The following NPAS2 variants were observed in gnomAD, a reference collection of about 807,000 sequenced individuals.
The protein encoded by NPAS2 is neuronal PAS domain protein 2, also known as neuronal PAS domain-containing protein 2.
In NPAS2, 23 loss-of-function variants were observed where a neutral mutation model predicts 107.5. The observed-to-expected ratio is 0.21, with a 90% CI of 0.15 to 0.30. The LOEUF (loss-of-function observed/expected upper bound fraction) is 0.30. Among genes scored for constraint, NPAS2 ranks in the 10% least tolerant of loss-of-function variants. The pLI, the probability that NPAS2 is intolerant of heterozygous loss-of-function variation, is 1.00. For missense variants in NPAS2, 756 were observed against 1,043.3 expected (o/e 0.72, Z 3.79); for synonymous variants, 403 against 417.5 (o/e 0.97, Z 0.42).
rs1321833264 is a variant in NPAS2, at chr2:100,995,828, A to G, written c.*246A>G. On this transcript the variant is annotated 3_prime_UTR_variant, in exon 21 of 21. Coordinates refer to ENST00000335681, the MANE Select transcript of NPAS2 (RefSeq NM_002518.4). Reference sequence around the variant, plus strand: ...GGCACACTCTATAGCCATACTGGACAGGAACCAGGTGCCCCGTGTAGGCAT... The same window carrying G: ...GGCACACTCTATAGCCATACTGGACGGGAACCAGGTGCCCCGTGTAGGCAT... The G allele has an allele frequency of 2.0e-6, 3 of 1,537,798 alleles. No homozygotes were observed. Among genetic ancestry groups the G allele is most frequent in the Non-Finnish European group, 2.6e-6 (3 of 1,139,240 alleles).
rs1681569768 is a variant in NPAS2, at chr2:100,898,582, C to A, written c.-22-6151C>A. 2.0e-5 allele frequency among the ~76,000 whole-genome samples: 3 copies of A among 152,086 alleles called. No homozygotes were observed. In the South Asian group the frequency reaches 6.2e-4, roughly 31 times the overall value. On this transcript the variant is annotated intron_variant, in intron 1 of 20. Transcript: ENST00000335681. ...GAAACATGGAGTTAGTTTGTTTAAA[C>A]AACAGAGGAGTTATATTTTCAAGTG...
intron 3 of NPAS2, among the ~76,000 whole-genome samples, chr2:100,928,909 C>T (rs914875939): frequency 1.3e-5 from 2 of 152,144 alleles, no homozygotes; most frequent in African/African-American, 4.8e-5. Flanking sequence ...TTCATGGCAG[C>T]ACTTTCTTTT....
chr2:100,946,862 G>A (rs559627718), intron 5 of NPAS2, among the ~76,000 whole-genome samples: 1 of 152,188 alleles, frequency 6.6e-6, no homozygotes, highest in Non-Finnish European at 1.5e-5. Flanking sequence ...TTTGGTTTGA[G>A]GGTAAGGACG....
At chr2:100,833,043 A>T (rs994056834) in intron 1 of NPAS2, among the ~76,000 whole-genome samples, 6 of 152,178 alleles carry the variant, frequency 3.9e-5, no homozygotes, top group Non-Finnish European at 7.3e-5. Context: ...CAGCCTGTTT[A>T]TATGAGACAC....
intron 5 of NPAS2, among the ~76,000 whole-genome samples, chr2:100,938,070 A>C (rs1684449861): frequency 6.6e-6 from 1 of 152,212 alleles, no homozygotes; most frequent in Non-Finnish European, 1.5e-5. Flanking sequence ...GGAACAGGCA[A>C]GGCCTGGAGT....
chr2:100,851,956 C>A (rs1316840845), intron 1 of NPAS2, among the ~76,000 whole-genome samples: 2 of 152,146 alleles, frequency 1.3e-5, no homozygotes, highest in African/African-American at 2.4e-5. Context: ...TACAGGTAGA[C>A]CCTGGTGGAG....
At chr2:100,882,484 T>C (rs558803706) in intron 1 of NPAS2, among the ~76,000 whole-genome samples, 112 of 152,158 alleles carry the variant, frequency 7.4e-4, no homozygotes, top group Non-Finnish European at 1.3e-3. Flanking sequence ...AGGTGGTGCA[T>C]GCCTGTAGTC....
rs150236375 is a variant in NPAS2, at chr2:100,827,547, C to G, written c.-23+7133C>G. Among the ~76,000 whole-genome samples, 38 of 152,234 alleles carry G rather than the reference C, an allele frequency of 2.5e-4. 1 individual carries two copies. In the East Asian group the frequency reaches 6.0e-3, roughly 24 times the overall value. ...AGTCCTTATCCCCTGGCTCCCTGCT[C>G]CCTCCAGTAGTCTTCAGTACCTGTT... On this transcript the variant is annotated intron_variant, in intron 1 of 20. Coordinates refer to ENST00000335681, the MANE Select transcript of NPAS2 (RefSeq NM_002518.4).
At chr2:100,990,020 T>G in intron 17 of NPAS2, 1 of 543,136 alleles carries the variant, frequency 1.8e-6, no homozygotes, top group East Asian at 3.0e-5. Context: ...AGTAGTTCAG[T>G]TCAAGGCACA....
upstream of NPAS2, among the ~76,000 whole-genome samples, chr2:100,819,948 T>A (rs1455951567): frequency 2.7e-5 from 4 of 150,652 alleles, no homozygotes; most frequent in Admixed American, 6.6e-5. The surrounding 1 kb of genome is among the most constrained non-coding windows in gnomAD (Gnocchi z 5.8). Flanking sequence ...GGGCCGGGGG[T>A]CCGTCTGCCT....
intron 1 of NPAS2, among the ~76,000 whole-genome samples, chr2:100,891,565 T>G (rs2104699107): frequency 6.6e-6 from 1 of 152,324 alleles, no homozygotes; most frequent in Non-Finnish European, 1.5e-5. Context: ...AGCTTACAGA[T>G]GAGGTCATCA....
At chr2:100,971,440 G>A (rs1676553254) in intron 12 of NPAS2, among the ~76,000 whole-genome samples, 1 of 152,136 alleles carries the variant, frequency 6.6e-6, no homozygotes, top group Non-Finnish European at 1.5e-5. Context: ...TAAGACACTG[G>A]GGGAGTTCCT....
At chr2:100,920,955 T>C (rs1683188263) in intron 2 of NPAS2, among the ~76,000 whole-genome samples, 1 of 152,242 alleles carries the variant, frequency 6.6e-6, no homozygotes, top group African/African-American at 2.4e-5. Flanking sequence ...TTTCCCGCAG[T>C]ACCCTTCCCC....
At chr2:100,936,660 AAAAT>A (rs1684318866) in intron 4 of NPAS2, among the ~76,000 whole-genome samples, 1 of 152,190 alleles carries the variant, frequency 6.6e-6, no homozygotes, top group African/African-American at 2.4e-5. Context: ...CATCCACACA[AAAAT>A]AAATCCCAAT....
chr2:100,864,351 G>T lies in NPAS2; in HGVS notation c.-22-40382G>T, dbSNP rs539220410. Among the ~76,000 whole-genome samples, 23 of 152,270 alleles carry T rather than the reference G, an allele frequency of 1.5e-4. No homozygotes were observed. In the East Asian group the frequency reaches 4.2e-3, roughly 28 times the overall value. On this transcript the variant is annotated intron_variant, in intron 1 of 20. Coordinates refer to ENST00000335681, the MANE Select transcript of NPAS2 (RefSeq NM_002518.4). The stretch of plus-strand genomic sequence containing the variant: ...GATAAAATATTAGTATATTTAAATT[G>T]CTCACAAATTTCCCTGATCTCTTCC...
intron 1 of NPAS2, among the ~76,000 whole-genome samples, chr2:100,863,339 AGTTG>A (rs370497199): frequency 6.6e-6 from 1 of 152,106 alleles, no homozygotes; most frequent in Admixed American, 6.5e-5. Context: ...TTGGTTGATT[AGTTG>A]GTTGGTTGGT....
intron 2 of NPAS2, among the ~76,000 whole-genome samples, chr2:100,909,693 G>A (rs755482275): frequency 1.1e-4 from 17 of 151,516 alleles, no homozygotes; most frequent in Middle Eastern, 7.0e-3. Flanking sequence ...GCTCCCACAC[G>A]GGGGGAAAAA....
intron 15 of NPAS2, among the ~76,000 whole-genome samples, chr2:100,978,526 A>AAAAGAAAGAAAG (rs137857480): frequency 2.3e-4 from 35 of 151,638 alleles, no homozygotes; most frequent in African/African-American, 8.0e-4. Context: ...TGTTTAAAAA[A>AAAAGAAAGAAAG]AAAGAAAGAA....
At chr2:100,830,633 A>C (rs904370902) in intron 1 of NPAS2, among the ~76,000 whole-genome samples, 2 of 152,150 alleles carry the variant, frequency 1.3e-5, no homozygotes, top group African/African-American at 4.8e-5. Context: ...CATCCAACCC[A>C]GCAGCTAGTC....
Sources: allele counts gnomAD v4.1 joint callset (sites outside exome capture counted in the v4.1 genomes callset), GRCh38; gene constraint gnomAD v4.1.1; non-coding constraint Gnocchi (gnomAD v3.1); transcripts MANE v1.5; gene names NCBI Gene and HGNC (gene_info 2026-07-23, HGNC 2026-07-21).